Variants in FRMD4A observed in about 807,000 individuals in gnomAD.
FRMD4A encodes the protein FERM domain containing 4A.
FRMD4A carries 29 observed loss-of-function variants against 129.1 expected under a neutral mutation model. That is an observed-to-expected ratio of 0.22 (90% confidence interval 0.17 to 0.31). The LOEUF (loss-of-function observed/expected upper bound fraction) is 0.31. Ranked by LOEUF, FRMD4A falls within the 10% of genes least tolerant of loss-of-function variation. FRMD4A has a pLI of 1.00. For missense variants in FRMD4A, 1,272 were observed against 1,375.8 expected, an observed-to-expected ratio of 0.92 and a Z score of 1.19; for synonymous variants, 634 against 571.6, an observed-to-expected ratio of 1.11 and a Z score of -1.56.
rs554101599 is a variant in FRMD4A at position 13,749,921 on chromosome 10, T to G, written c.465-2102A>C. On this transcript the variant is annotated intron_variant, in intron 8 of 24. Coordinates refer to ENST00000357447, the MANE Select transcript of FRMD4A (RefSeq NM_018027.5). ...GTAAGCTGTAATTGCAACACCACAC[T>G]CCAGCCTGGGTGACAGAGGGAGACC... 4.1e-5 allele frequency among the ~76,000 whole-genome samples: 6 copies of G among 145,566 alleles called. No individual in the cohort carries two copies. The East Asian group carries it at 1.2e-3, about 29-fold the overall frequency.
chr10:14,292,082 A>C (rs1484867003), intron 2 of FRMD4A, among the ~76,000 whole-genome samples: 1 of 152,212 alleles, frequency 6.6e-6, no homozygotes, highest in Non-Finnish European at 1.5e-5. Flanking sequence ...TAATTCATGG[A>C]TAAGAAGATT....
chr10:14,120,258 A>C (rs1027346090), intron 2 of FRMD4A, among the ~76,000 whole-genome samples: 1 of 151,450 alleles, frequency 6.6e-6, no homozygotes, highest in African/African-American at 2.4e-5. Context: ...TTTTTTCTGA[A>C]GTCTTGAGCC....
At chr10:14,175,320 A>G (rs7076505) in intron 2 of FRMD4A, among the ~76,000 whole-genome samples, 2,094 of 152,184 alleles carry the variant, frequency 0.014, 38 homozygotes, top group African/African-American at 0.039. Context: ...GACATCCCCA[A>G]GATAGGGCGA....
intron 2 of FRMD4A, among the ~76,000 whole-genome samples, chr10:14,067,799 A>T (rs367610068): frequency 1.6e-4 from 25 of 152,242 alleles, no homozygotes; most frequent in African/African-American, 6.0e-4. Context: ...CCTGGGTAAC[A>T]GAGCGAGACT....
intron 2 of FRMD4A, among the ~76,000 whole-genome samples, chr10:13,868,166 G>A (rs2094397908): frequency 6.6e-6 from 1 of 150,996 alleles, no homozygotes; most frequent in Non-Finnish European, 1.5e-5. Flanking sequence ...GTGGGCAAGT[G>A]GGATCTACCC....
At chr10:14,061,740 C>G (rs960939491) in intron 2 of FRMD4A, among the ~76,000 whole-genome samples, 1 of 152,166 alleles carries the variant, frequency 6.6e-6, no homozygotes, top group African/African-American at 2.4e-5. Flanking sequence ...AGGAAATACC[C>G]CTTTTCTTCC....
At position 14,282,432 on chromosome 10, in the gene FRMD4A, G is replaced by A. The variant is rs537797192; in HGVS notation, c.45+47626C>T. ...CTTCCAGAAGGCTTAATAGTCTCCA[G>A]GCAAGTGCTCTAATAAAATGAGTAA... On this transcript the variant is annotated intron_variant, in intron 2 of 24. Coordinates refer to ENST00000357447, the MANE Select transcript of FRMD4A (RefSeq NM_018027.5). Among the ~76,000 whole-genome samples the A allele has an allele frequency of 1.2e-4, 19 of 152,094 alleles. 1 individual carries two copies. In the South Asian group the frequency reaches 4.0e-3, roughly 32 times the overall value.
chr10:14,146,301 T>C (rs1840071431), intron 2 of FRMD4A, among the ~76,000 whole-genome samples: 1 of 152,222 alleles, frequency 6.6e-6, no homozygotes, highest in Admixed American at 6.5e-5. Flanking sequence ...AAAAAGTGAT[T>C]CCTACAAGAC....
intron 12 of FRMD4A, among the ~76,000 whole-genome samples, chr10:13,708,171 C>G (rs1056081559): frequency 2.0e-5 from 3 of 152,182 alleles, no homozygotes; most frequent in South Asian, 2.1e-4. Flanking sequence ...TGGGCTCCCC[C>G]CTTTCTCTGG....
intron 2 of FRMD4A, among the ~76,000 whole-genome samples, chr10:13,888,141 A>G (rs2094647332): frequency 1.3e-5 from 2 of 152,204 alleles, no homozygotes; most frequent in African/African-American, 2.4e-5. Context: ...AAAAATGGAA[A>G]ATACTACTGA....
At chr10:13,984,452 A>G (rs141914414) in intron 2 of FRMD4A, among the ~76,000 whole-genome samples, 2 of 152,302 alleles carry the variant, frequency 1.3e-5, no homozygotes, top group African/African-American at 2.4e-5. Context: ...GGCATTAAGT[A>G]TATTCACAGC....
intron 4 of FRMD4A, among the ~76,000 whole-genome samples, chr10:13,807,251 ACAGAGTTAGTAAAAATAAAAGGAGGC>A (rs2093371286): frequency 6.6e-6 from 1 of 152,210 alleles, no homozygotes. Flanking sequence ...TTTTCTGAGG[ACAGAGTTAGTAAAAATAAAAGGAGGC>A]CAGATGCAAA....
chr10:13,715,174 C>G (rs925087021), intron 12 of FRMD4A, among the ~76,000 whole-genome samples: 6 of 152,236 alleles, frequency 3.9e-5, no homozygotes, highest in Non-Finnish European at 5.9e-5. Flanking sequence ...TTTTTAGGAG[C>G]AAGAACCCTG....
chr10:13,643,985 A>G lies in FRMD4A; in HGVS notation c.*3053T>C, dbSNP rs762381768. On this transcript the variant is annotated 3_prime_UTR_variant, in exon 25 of 25. Transcript: ENST00000357447. ...CATTTTACACAACTTGTAATAAACT[A>G]TTGACATTAATGTATATGTAAAACT... 2.6e-5 allele frequency: 4 copies of G among 152,634 alleles called. No individual in the cohort carries two copies. The highest frequency in any genetic ancestry group is 6.5e-5 in the Admixed American group (1 of 15,282). The allele number at this position is 152,634 out of a possible 1,614,324, so 9.5% of individuals were successfully genotyped here.
chr10:13,659,950 T>G (rs2082501995), intron 20 of FRMD4A, among the ~76,000 whole-genome samples: 1 of 152,194 alleles, frequency 6.6e-6, no homozygotes. Context: ...TGGAGAATTC[T>G]GCTGGATGAG....
chr10:14,158,625 T>C (rs1318108355), intron 2 of FRMD4A, among the ~76,000 whole-genome samples: 1 of 112,094 alleles, frequency 8.9e-6, no homozygotes, highest in African/African-American at 3.4e-5. Flanking sequence ...CAAAAATAAA[T>C]AAAAAAAAAG....
intron 2 of FRMD4A, among the ~76,000 whole-genome samples, chr10:14,147,658 G>T (rs528912979): frequency 6.6e-6 from 1 of 152,150 alleles, no homozygotes; most frequent in East Asian, 1.9e-4. Context: ...TCACAACAGG[G>T]TCTGCACTCT....
At chr10:14,214,398 C>G (rs1843014080) in intron 2 of FRMD4A, among the ~76,000 whole-genome samples, 1 of 152,222 alleles carries the variant, frequency 6.6e-6, no homozygotes, top group African/African-American at 2.4e-5. Context: ...GTGTCACATA[C>G]AAGCTGAACG....
intron 2 of FRMD4A, among the ~76,000 whole-genome samples, chr10:14,262,766 T>G (rs1399393342): frequency 6.6e-6 from 1 of 151,954 alleles, no homozygotes; most frequent in South Asian, 2.1e-4. Context: ...GACCTGAGAG[T>G]GGTCATCTTG....
Sources: allele counts gnomAD v4.1 joint callset (sites outside exome capture counted in the v4.1 genomes callset), GRCh38; gene constraint gnomAD v4.1.1; transcripts MANE v1.5; gene names NCBI Gene and HGNC (gene_info 2026-07-23, HGNC 2026-07-21).